The following NAV3 variants were observed in gnomAD, a reference collection of about 807,000 sequenced individuals.
The protein encoded by NAV3 is neuron navigator 3, also known as pore membrane and/or filament interacting like protein 1.
NAV3 carries 87 observed loss-of-function variants against 244.7 expected under a neutral mutation model. That is an observed-to-expected ratio of 0.36 (90% CI 0.30 to 0.42). NAV3 has a LOEUF of 0.42. NAV3 is among the 20% of genes least tolerant of loss of function. The pLI is 1.00. For missense variants in NAV3, 2,663 were observed against 2,893.3 expected (o/e 0.92, Z 1.83); for synonymous variants, 1,126 against 1,042.2 (o/e 1.08, Z -1.55).
At chr12:77,813,568 T>C (rs1159138538) in intron 2 of NAV3, among the ~76,000 whole-genome samples, 1 of 152,186 alleles carries the variant, frequency 6.6e-6, no homozygotes, top group African/African-American at 2.4e-5. Context: ...CCAGTAGCTA[T>C]ATTTATACTT....
chr12:77,998,289 C>T (rs1045565501), intron 6 of NAV3, 48 bp from the exon 7 acceptor site: 1 of 1,387,448 alleles, frequency 7.2e-7, no homozygotes, highest in Non-Finnish European at 9.5e-7. Flanking sequence ...TGCTTCTTAC[C>T]TTTTTGTAAT....
intron 34 of NAV3, among the ~76,000 whole-genome samples, chr12:78,196,135 A>T (rs1959171559): frequency 1.3e-5 from 2 of 152,094 alleles, no homozygotes; most frequent in Admixed American, 1.3e-4. Context: ...AAGTAAATAG[A>T]ATTCTCCAGA....
intron 2 of NAV3, among the ~76,000 whole-genome samples, chr12:77,673,065 AT>A (rs1006289743): frequency 2.0e-5 from 3 of 152,114 alleles, no homozygotes; most frequent in African/African-American, 7.2e-5. Flanking sequence ...GTCTGTTCAT[AT>A]TTAGAGGTAA....
At chr12:77,663,542 A>G (rs1873569967) in intron 2 of NAV3, among the ~76,000 whole-genome samples, 1 of 136,082 alleles carries the variant, frequency 7.3e-6, no homozygotes, top group East Asian at 2.0e-4. Flanking sequence ...TTTTTTTGAG[A>G]CAGAGTTTTG....
intron 5 of NAV3, among the ~76,000 whole-genome samples, chr12:77,987,846 G>A (rs1870790716): frequency 6.6e-6 from 1 of 152,134 alleles, no homozygotes; most frequent in African/African-American, 2.4e-5. Flanking sequence ...ATACAAGAAG[G>A]AAGGAGTCGA....
At chr12:78,158,372 T>G (rs1036923081) in intron 22 of NAV3, among the ~76,000 whole-genome samples, 7 of 152,180 alleles carry the variant, frequency 4.6e-5, no homozygotes, top group Non-Finnish European at 7.4e-5. Context: ...CATTTTAACA[T>G]TTTGGGTTCA....
At chr12:78,054,201 AATAC>A (rs1401908052) in intron 11 of NAV3, among the ~76,000 whole-genome samples, 3 of 152,198 alleles carry the variant, frequency 2.0e-5, no homozygotes, top group African/African-American at 7.2e-5. Flanking sequence ...ATATATTTAA[AATAC>A]ATATATAAGA....
intron 2 of NAV3, among the ~76,000 whole-genome samples, chr12:77,690,783 A>G (rs1240399610): frequency 7.2e-3 from 2 of 278 alleles, no homozygotes; most frequent in Admixed American, 0.036. Flanking sequence ...TATATATAAT[A>G]TATATATAGT....
At chr12:78,091,288 T>C (rs1341061241) in intron 12 of NAV3, among the ~76,000 whole-genome samples, 1 of 152,188 alleles carries the variant, frequency 6.6e-6, no homozygotes, top group Non-Finnish European at 1.5e-5. Flanking sequence ...GACTTCAGAA[T>C]AGAATTATGT....
Position 78,111,937 on chromosome 12 carries a change from T to C in NAV3, c.2637-4835T>C, listed in dbSNP as rs139673112. 1.1e-4 allele frequency among the ~76,000 whole-genome samples: 16 copies of C among 152,336 alleles called. 1 individual carries two copies. The East Asian group carries it at 2.9e-3, about 28-fold the overall frequency. ...GATATAGTAAAGAAATATATATTTC[T>C]AAATTTATAAATGTATTTATTGGTG... On this transcript the variant is annotated intron_variant, in intron 12 of 39. Coordinates refer to ENST00000397909, the MANE Select transcript of NAV3 (RefSeq NM_001024383.2).
rs1593648556 is a variant in NAV3, at chr12:78,116,746, A to T, written c.2637-26A>T. 4 of 1,548,614 alleles carry T rather than the reference A, an allele frequency of 2.6e-6. No homozygotes were observed. In the East Asian group the frequency reaches 9.3e-5, roughly 36 times the overall value. ...GCATTGTGCATCCTGTGTTTGATTC[A>T]CTGCTCTTGCATGTCTTGCCTTTAG... On this transcript the variant is annotated intron_variant, in intron 12 of 39. Transcript: ENST00000397909.
In NAV3 at chr12:78,137,253, C is replaced by T; in HGVS notation, c.4518C>T (p.Asp1506=). ...MMRSNSIPAQ[D]SSFDLYDDSQ... Reference sequence around the variant, plus strand: ...GCTCAAACAGCATCCCAGCCCAAGACTCTTCCTTCGATCTCTATGATGACT... The same window carrying T: ...GCTCAAACAGCATCCCAGCCCAAGATTCTTCCTTCGATCTCTATGATGACT... The change falls in exon 19 of 40, where the codon GAC becomes GAT. Residue 1506 remains aspartate (D), a synonymous_variant. Transcript: ENST00000397909. 2 of 1,613,822 alleles carry T rather than the reference C, an allele frequency of 1.2e-6. No homozygotes were observed. The highest frequency in any genetic ancestry group is 2.2e-5 in the South Asian group (2 of 91,056).
At chr12:77,843,736 C>T (rs1592758096) in intron 1 of NAV3, among the ~76,000 whole-genome samples, 3 of 151,534 alleles carry the variant, frequency 2.0e-5, no homozygotes, top group Non-Finnish European at 2.9e-5. Flanking sequence ...CTAATTGTGA[C>T]GATCAAAAAT....
rs773568459 is a variant in NAV3, at chr12:78,137,374, T to TG, written c.4630+10dup. ...AGACAGCATGGAAGAAGGTAAGCGT[T>TG]GAGGGGGATTAAAGATGAAGTCACT... On this transcript the variant is annotated intron_variant, in intron 19 of 39. Transcript: ENST00000397909. 10 of 1,598,802 alleles carry TG rather than the reference T, an allele frequency of 6.3e-6. No individual in the cohort carries two copies. The highest frequency in any genetic ancestry group is 5.1e-5 in the Admixed American group (3 of 58,268).
intron 3 of NAV3, chr12:77,947,284 T>G (rs1890440224): frequency 6.6e-6 from 1 of 152,052 alleles, no homozygotes; most frequent in Non-Finnish European, 1.5e-5. Flanking sequence ...TTTCTATTGC[T>G]TATATTTATC....
At chr12:78,121,604 A>G (rs1438393409) in intron 15 of NAV3, among the ~76,000 whole-genome samples, 1 of 122,068 alleles carries the variant, frequency 8.2e-6, no homozygotes, top group African/African-American at 3.3e-5. Context: ...TAAATAGGTA[A>G]CAGCAAGTAT....
chr12:78,188,043 T>C (rs1958804619), intron 31 of NAV3, among the ~76,000 whole-genome samples: 1 of 151,944 alleles, frequency 6.6e-6, no homozygotes, highest in African/African-American at 2.4e-5. Flanking sequence ...GCTATTGCTG[T>C]TACTTTATTT....
At chr12:77,660,851 G>GT (rs2137036171) in intron 2 of NAV3, among the ~76,000 whole-genome samples, 1 of 152,028 alleles carries the variant, frequency 6.6e-6, no homozygotes, top group East Asian at 1.9e-4. Flanking sequence ...ACAATACACA[G>GT]TTTTTTGCAT....
chr12:77,939,523 C>A (rs957100886), intron 1 of NAV3, among the ~76,000 whole-genome samples: 18 of 152,104 alleles, frequency 1.2e-4, no homozygotes, highest in Non-Finnish European at 2.6e-4. Flanking sequence ...AAGCTGAAAT[C>A]TTCATGCTTA....
Sources: allele counts gnomAD v4.1 joint callset (sites outside exome capture counted in the v4.1 genomes callset), GRCh38; gene constraint gnomAD v4.1.1; transcripts MANE v1.5; gene names NCBI Gene and HGNC (gene_info 2026-07-23, HGNC 2026-07-21).